ADGRG6: variants seen among roughly 807,000 people sequenced by gnomAD.
ADGRG6 encodes G-protein coupled receptor 126.
ADGRG6 carries 84 observed loss-of-function variants against 142.4 expected under a neutral mutation model. The ratio of observed to expected loss-of-function variants is 0.59; its 90% CI spans 0.49 to 0.71. ADGRG6 has a LOEUF of 0.71. ADGRG6 is among the 30% of genes least tolerant of loss of function. ADGRG6 has a pLI of 0.00. For missense variants in ADGRG6, 1,367 were observed against 1,466.6 expected, an observed-to-expected ratio of 0.93 and a Z score of 1.11; for synonymous variants, 521 against 520.5, an observed-to-expected ratio of 1.00 and a Z score of -0.01.
At chr6:142,399,891 T>A (rs965918910) in intron 10 of ADGRG6, among the ~76,000 whole-genome samples, 1 of 152,206 alleles carries the variant, frequency 6.6e-6, no homozygotes, top group African/African-American at 2.4e-5. Context: ...ATTGATGTCA[T>A]GAGGCTTACT....
rs1181314373 is a variant in ADGRG6 at position 142,338,017 on chromosome 6, G to GTTTTTT, written c.103+28389_103+28394dup. On this transcript the variant is annotated intron_variant, in intron 2 of 24. Coordinates refer to ENST00000367609, the MANE Select transcript of ADGRG6 (RefSeq NM_198569.3). ...AATCCTTTTTATGCCTTGTATCTTT[G>GTTTTTT]TTTTTTTTTTTTTTTTTTTTTGAGA... Among the ~76,000 whole-genome samples, 67 of 35,380 alleles carry GTTTTTT rather than the reference G, an allele frequency of 1.9e-3. 22 individuals carry two copies. Among genetic ancestry groups the GTTTTTT allele is most frequent in the African/African-American group, 3.4e-3 (27 of 7,866 alleles). 23.2% of individuals were successfully genotyped at this position (35,380 alleles called of 152,430 possible).
chr6:142,442,823 G>A (rs1777822388), intron 24 of ADGRG6, among the ~76,000 whole-genome samples: 1 of 151,600 alleles, frequency 6.6e-6, no homozygotes, highest in Non-Finnish European at 1.5e-5. Flanking sequence ...AAAATTTTTT[G>A]TTATGAAAAG....
intron 2 of ADGRG6, among the ~76,000 whole-genome samples, chr6:142,360,942 G>A (rs116511889): frequency 0.043 from 6,537 of 152,280 alleles, 296 homozygotes; most frequent in African/African-American, 0.12. Context: ...ATGAGCCACT[G>A]CGCCCAGCCT....
intron 2 of ADGRG6, among the ~76,000 whole-genome samples, chr6:142,358,064 C>T (rs1780539136): frequency 6.6e-6 from 1 of 152,168 alleles, no homozygotes; most frequent in African/African-American, 2.4e-5. Flanking sequence ...GCTGTTTAGC[C>T]AGTAATGACA....
intron 15 of ADGRG6, among the ~76,000 whole-genome samples, chr6:142,406,444 G>T (rs966633852): frequency 2.6e-5 from 4 of 152,122 alleles, no homozygotes; most frequent in Admixed American, 6.5e-5. Flanking sequence ...GAGCAGGTTC[G>T]CTGGGCCCTT....
chr6:142,359,253 AC>A (rs2114816293), intron 2 of ADGRG6, among the ~76,000 whole-genome samples: 1 of 148,938 alleles, frequency 6.7e-6, no homozygotes, highest in South Asian at 2.1e-4. Flanking sequence ...CAGTTATTTT[AC>A]CTTCCCCAAA....
rs548796491 is a variant in ADGRG6 at position 142,338,113 on chromosome 6, C to T, written c.103+28469C>T. Among the ~76,000 whole-genome samples the T allele has an allele frequency of 1.6e-4, 23 of 140,680 alleles. No homozygotes were observed. In the East Asian group the frequency reaches 2.9e-3, roughly 18 times the overall value. The allele number at this position is 140,680 out of a possible 152,430, so 92.3% of individuals were successfully genotyped here. On this transcript the variant is annotated intron_variant, in intron 2 of 24. Transcript: ENST00000367609. ...TTGGCTCACTGCAAGCTCTGCCTCC[C>T]GGGTTCACGCCATTCTCCTGCCTCA... is the stretch of plus-strand genomic sequence containing the variant.
chr6:142,396,706 A>C (rs1775214975), intron 9 of ADGRG6, among the ~76,000 whole-genome samples: 1 of 152,140 alleles, frequency 6.6e-6, no homozygotes, highest in East Asian at 1.9e-4. Context: ...TTCTCCTCTG[A>C]ATATGAAGAA....
At chr6:142,390,091 T>A (rs1419941111) in intron 6 of ADGRG6, among the ~76,000 whole-genome samples, 167 bp from the exon 7 acceptor site, 1 of 151,862 alleles carries the variant, frequency 6.6e-6, no homozygotes, top group Non-Finnish European at 1.5e-5. Flanking sequence ...TCAGAACTTT[T>A]TTTGCCTATG....
At chr6:142,364,811 C>T (rs1332296701) in intron 2 of ADGRG6, among the ~76,000 whole-genome samples, 2 of 152,118 alleles carry the variant, frequency 1.3e-5, no homozygotes, top group Non-Finnish European at 2.9e-5. Context: ...TAGTTTGAGG[C>T]TGCAGCGAGG....
intron 2 of ADGRG6, among the ~76,000 whole-genome samples, chr6:142,314,459 C>T (rs1004875743): frequency 6.6e-6 from 1 of 152,158 alleles, no homozygotes; most frequent in African/African-American, 2.4e-5. Context: ...AGACGAGGCA[C>T]ACCAGCATAC....
At chr6:142,429,705 ACTT>A (rs1777120436) in intron 22 of ADGRG6, among the ~76,000 whole-genome samples, 1 of 152,136 alleles carries the variant, frequency 6.6e-6, no homozygotes. Flanking sequence ...GTGTGTGGCC[ACTT>A]CTTCTCAAAT....
In ADGRG6 at chr6:142,442,011, C is replaced by T. The variant is rs193290668; in HGVS notation, c.3575-1326C>T. Among the ~76,000 whole-genome samples the T allele has an allele frequency of 6.7e-4, 102 of 152,196 alleles. 1 individual carries two copies. Among genetic ancestry groups the T allele is most frequent in the African/African-American group, 2.3e-3 (95 of 41,514 alleles). On this transcript the variant is annotated intron_variant, in intron 24 of 24. Coordinates refer to ENST00000367609, the MANE Select transcript of ADGRG6 (RefSeq NM_198569.3). ...TTTTAGCCCTCATTGTATTTAGTGT[C>T]GGCTTCAACACAAGATAATAGTTGA...
chr6:142,443,621 T>C lies in ADGRG6; in HGVS notation c.*106T>C. The C allele has an allele frequency of 1.5e-6, 1 of 652,364 alleles. No homozygotes were observed. The highest frequency in any genetic ancestry group is 2.8e-5 in the East Asian group (1 of 35,686). 40.4% of individuals were successfully genotyped at this position (652,364 alleles called of 1,614,324 possible). On this transcript the variant is annotated 3_prime_UTR_variant, in exon 25 of 25. Transcript: ENST00000367609. ...GCTATTACCTAGGTAACTGCATATA[T>C]ATAAGGAATGTATTTTGTTAAGAAG...
At chr6:142,402,957 G>A (rs984108193) in intron 13 of ADGRG6, 127 bp downstream of exon 13, 9 of 503,528 alleles carry the variant, frequency 1.8e-5, no homozygotes, top group Middle Eastern at 5.2e-4. Flanking sequence ...ATTGATAGTC[G>A]TTAATAGTGA....
At chr6:142,376,388 C>T (rs1781500181) in intron 4 of ADGRG6, among the ~76,000 whole-genome samples, 1 of 152,180 alleles carries the variant, frequency 6.6e-6, no homozygotes, top group Admixed American at 6.5e-5. Context: ...TTATTAGGCA[C>T]TTCCATTGGT....
intron 9 of ADGRG6, among the ~76,000 whole-genome samples, chr6:142,395,935 C>T (rs191649625): frequency 6.6e-6 from 1 of 152,162 alleles, no homozygotes; most frequent in African/African-American, 2.4e-5. Flanking sequence ...GAAACCAAAG[C>T]CACAGAGAGG....
At chr6:142,421,502 A>T (rs1776651025) in intron 22 of ADGRG6, among the ~76,000 whole-genome samples, 2 of 152,204 alleles carry the variant, frequency 1.3e-5, no homozygotes, top group South Asian at 4.1e-4. Context: ...TCTCTTCTAT[A>T]ATATACAACA....
chr6:142,387,937 A>G (rs1473849264), intron 6 of ADGRG6, among the ~76,000 whole-genome samples: 2 of 152,228 alleles, frequency 1.3e-5, no homozygotes. Context: ...AGGATAGTAC[A>G]TACATATTTT....
Sources: gnomAD v4.1 joint callset for allele counts (sites outside exome capture counted in the v4.1 genomes callset) on GRCh38, gnomAD v4.1.1 for gene constraint, MANE v1.5 for transcripts, NCBI Gene and HGNC (gene_info 2026-07-23, HGNC 2026-07-21) for gene names.